Variants in VSTM4 observed in about 807,000 individuals in gnomAD.
VSTM4 encodes V-set and transmembrane domain-containing protein 4.
VSTM4 carries 20 observed loss-of-function variants against 36.4 expected under a neutral mutation model. The ratio of observed to expected loss-of-function variants is 0.55; its 90% CI spans 0.39 to 0.80. The LOEUF is 0.80. VSTM4 is among the 30% of genes least tolerant of loss of function. The pLI, the probability that VSTM4 is intolerant of heterozygous loss-of-function variation, is 0.00. For synonymous variants in VSTM4, 182 were observed against 173.9 expected (o/e 1.05, Z -0.37); for missense variants, 392 against 404.5 (o/e 0.97, Z 0.26).
intron 3 of VSTM4, among the ~76,000 whole-genome samples, chr10:49,085,740 T>C (rs1341728313): frequency 6.6e-6 from 1 of 150,406 alleles, no homozygotes; most frequent in Admixed American, 6.7e-5. Context: ...CATCTTATCG[T>C]GGGGTGGGGG....
intron 2 of VSTM4, among the ~76,000 whole-genome samples, chr10:49,096,718 G>A (rs753420201): frequency 2.8e-4 from 41 of 148,192 alleles, no homozygotes; most frequent in Non-Finnish European, 4.6e-4. Flanking sequence ...ACAATGACAC[G>A]ATCTCGGCTC....
chr10:49,101,550 CAA>C (rs1311664105), intron 2 of VSTM4, among the ~76,000 whole-genome samples: 4 of 151,980 alleles, frequency 2.6e-5, no homozygotes, highest in Non-Finnish European at 4.4e-5. Context: ...GAAATTAAAA[CAA>C]TGAAATATTT....
chr10:49,084,394 A>G (rs1844333555), intron 3 of VSTM4, among the ~76,000 whole-genome samples: 1 of 152,218 alleles, frequency 6.6e-6, no homozygotes, highest in South Asian at 2.1e-4. Flanking sequence ...AAACAAAACA[A>G]TTAATCCTAG....
intron 3 of VSTM4, among the ~76,000 whole-genome samples, chr10:49,084,347 T>A (rs1194640649): frequency 6.6e-6 from 1 of 152,224 alleles, no homozygotes; most frequent in Admixed American, 6.5e-5. Context: ...TGGATTCTCA[T>A]GAGTGCAATC....
chr10:49,049,940 A>G (rs529207098), intron 5 of VSTM4, among the ~76,000 whole-genome samples: 1 of 152,324 alleles, frequency 6.6e-6, no homozygotes, highest in Non-Finnish European at 1.5e-5. Context: ...TGGCAATTTC[A>G]TTTCCAGGAA....
chr10:49,046,928 C>A (rs751385628), intron 7 of VSTM4, 55 bp downstream of exon 7: 111 of 1,552,254 alleles, frequency 7.2e-5, no homozygotes, highest in Admixed American at 1.5e-4. Context: ...GTTTTGGAAT[C>A]TGAGTTGTGT....
At chr10:49,042,780 C>A (rs1843540910) in intron 7 of VSTM4, among the ~76,000 whole-genome samples, 1 of 152,126 alleles carries the variant, frequency 6.6e-6, no homozygotes, top group South Asian at 2.1e-4. Context: ...AAGCTCCCTG[C>A]CTTTATGGAT....
intron 4 of VSTM4, among the ~76,000 whole-genome samples, chr10:49,076,897 C>A (rs116263966): frequency 0.01 from 1,573 of 152,176 alleles, 14 homozygotes; most frequent in African/African-American, 0.036. Context: ...CGGGAACTTG[C>A]CCAAAACCTC....
At chr10:49,107,482 A>G (rs1844803180) in intron 2 of VSTM4, 112 bp downstream of exon 2, 1 of 1,364,152 alleles carries the variant, frequency 7.3e-7, no homozygotes, top group African/African-American at 1.5e-5. Context: ...GGCCCACAAG[A>G]TATGTTCTAG....
At chr10:49,070,745 C>T (rs1356320975) in intron 4 of VSTM4, among the ~76,000 whole-genome samples, 2 of 152,218 alleles carry the variant, frequency 1.3e-5, no homozygotes, top group Admixed American at 6.5e-5. Flanking sequence ...GCTAACCAAC[C>T]CCCACAAAGG....
chr10:49,080,125 T>C (rs1287955214), intron 3 of VSTM4, among the ~76,000 whole-genome samples: 2 of 152,236 alleles, frequency 1.3e-5, no homozygotes, highest in African/African-American at 4.8e-5. Flanking sequence ...TAAACCTTAG[T>C]ACAACTTTCA....
chr10:49,095,728 C>G (rs1844558799), intron 2 of VSTM4, among the ~76,000 whole-genome samples: 1 of 152,042 alleles, frequency 6.6e-6, no homozygotes, highest in Non-Finnish European at 1.5e-5. Context: ...AGCCTCACCC[C>G]CTCGTCTGGC....
chr10:49,098,490 G>A (rs930346409), intron 2 of VSTM4, among the ~76,000 whole-genome samples: 4 of 152,150 alleles, frequency 2.6e-5, no homozygotes, highest in Non-Finnish European at 4.4e-5. Context: ...ATCATTTCAA[G>A]CTCGTGCAAC....
intron 5 of VSTM4, among the ~76,000 whole-genome samples, chr10:49,056,999 C>T (rs1843791129): frequency 2.0e-5 from 3 of 151,628 alleles, no homozygotes; most frequent in African/African-American, 4.8e-5. Flanking sequence ...TATCATCCGG[C>T]GAGAGGGGGG....
intron 4 of VSTM4, among the ~76,000 whole-genome samples, chr10:49,074,271 C>A (rs1262956131): frequency 1.3e-5 from 2 of 152,210 alleles, no homozygotes; most frequent in Admixed American, 6.5e-5. Context: ...AGGGGGTACA[C>A]ATAGTATAGC....
chr10:49,090,349 T>C (rs1228302461), intron 2 of VSTM4, among the ~76,000 whole-genome samples: 1 of 152,184 alleles, frequency 6.6e-6, no homozygotes, highest in African/African-American at 2.4e-5. Flanking sequence ...TGCTGACTCT[T>C]CCTATGCACC....
At chr10:49,051,387 T>C (rs1389968006) in intron 5 of VSTM4, among the ~76,000 whole-genome samples, 3 of 131,218 alleles carry the variant, frequency 2.3e-5, no homozygotes, top group African/African-American at 6.3e-5. Context: ...TGACAGCTCA[T>C]TTCTTTTTTT....
At chr10:49,034,139 T>C (rs893212651) in intron 7 of VSTM4, among the ~76,000 whole-genome samples, 1 of 151,944 alleles carries the variant, frequency 6.6e-6, no homozygotes, top group Non-Finnish European at 1.5e-5. Context: ...ACCATCATCA[T>C]CAGCATCATC....
At chr10:49,097,074 G>T (rs936796326) in intron 2 of VSTM4, among the ~76,000 whole-genome samples, 1 of 152,108 alleles carries the variant, frequency 6.6e-6, no homozygotes, top group East Asian at 1.9e-4. Context: ...GCTCCCTGGG[G>T]TGAAGGCCCA....
Sources: allele counts gnomAD v4.1 joint callset (sites outside exome capture counted in the v4.1 genomes callset), GRCh38; gene constraint gnomAD v4.1.1; transcripts MANE v1.5; gene names NCBI Gene and HGNC (gene_info 2026-07-23, HGNC 2026-07-21).